The following TEX9 variants were observed in gnomAD, a reference collection of about 807,000 sequenced individuals.
TEX9 encodes testis-expressed protein 9.
In TEX9, 74 loss-of-function variants were observed where a neutral mutation model predicts 59.6. That is an observed-to-expected ratio of 1.24 (90% confidence interval 1.03 to 1.51). TEX9 has a LOEUF of 1.51. Ranked by LOEUF, TEX9 falls within the 40% of genes most tolerant of loss-of-function variation. TEX9 has a pLI of 0.00. For missense variants in TEX9, 522 were observed against 447.8 expected (o/e 1.17, Z -1.49); for synonymous variants, 186 against 152.2 (o/e 1.22, Z -1.64).
chr15:56,394,658 T>G lies in TEX9; in HGVS notation c.655-3T>G. 6.4e-7 allele frequency: 1 copy of G among 1,560,358 alleles called. No individual in the cohort carries two copies. Among genetic ancestry groups the G allele is most frequent in the South Asian group, 1.1e-5 (1 of 88,242 alleles). ...CACATAATCTATAACTTTATAACTA[T>G]AGGAGGATGAAATTCAGAATTTAAA... On this transcript the variant is annotated splice_region_variant and splice_polypyrimidine_tract_variant and intron_variant, in intron 8 of 12. Coordinates refer to ENST00000352903, the Ensembl canonical transcript of TEX9.
intron 1 of TEX9, among the ~76,000 whole-genome samples, chr15:56,261,606 A>G (rs2044268879): frequency 6.6e-6 from 1 of 151,992 alleles, no homozygotes; most frequent in Admixed American, 6.6e-5. Flanking sequence ...TAGTCCCGCT[A>G]TTCGGGAAGC....
chr15:56,308,214 T>A (rs62046686), intron 1 of TEX9, among the ~76,000 whole-genome samples: 2,186 of 152,344 alleles, frequency 0.014, 17 homozygotes, highest in Non-Finnish European at 0.021. Flanking sequence ...TTCCAATTTC[T>A]TCACATCCTT....
upstream of TEX9, among the ~76,000 whole-genome samples, chr15:56,365,128 G>A (rs575795117): frequency 3.3e-5 from 5 of 152,326 alleles, no homozygotes; most frequent in East Asian, 3.9e-4. Context: ...AAGCACAACA[G>A]GGAGGGATTG....
chr15:56,318,082 A>G (rs374847285), intron 1 of TEX9, among the ~76,000 whole-genome samples: 12 of 151,874 alleles, frequency 7.9e-5, no homozygotes, highest in Admixed American at 5.9e-4. Flanking sequence ...GGTTACTGAA[A>G]TCTCTCTTAT....
At chr15:56,270,973 T>A (rs1296220179) in intron 1 of TEX9, among the ~76,000 whole-genome samples, 4 of 152,206 alleles carry the variant, frequency 2.6e-5, no homozygotes, top group African/African-American at 9.6e-5. Flanking sequence ...CCCACTCTCT[T>A]CTGGCTTGTG....
At position 56,275,661 on chromosome 15, in the gene TEX9, C is replaced by G. The variant is rs555513006; in HGVS notation, c.-107+31383C>G. Among the ~76,000 whole-genome samples the G allele has an allele frequency of 2.0e-5, 3 of 152,132 alleles. No individual in the cohort carries two copies. The East Asian group carries it at 5.8e-4, about 29-fold the overall frequency. ...TATTATTGTTATATATTTTGTTTGT[C>G]TATATTTTTTTAACCCACACGACTT... On this transcript the variant is annotated intron_variant, in intron 1 of 5. Transcript: ENST00000560827.
At chr15:56,423,245 C>T (rs921215853) in intron 10 of TEX9, among the ~76,000 whole-genome samples, 2 of 152,136 alleles carry the variant, frequency 1.3e-5, no homozygotes, top group Non-Finnish European at 2.9e-5. Flanking sequence ...AGTGCTTATA[C>T]TCTGTCCTAT....
chr15:56,447,575 A>G (rs1176852248), downstream of TEX9: 1 of 152,110 alleles, frequency 6.6e-6, no homozygotes, highest in Middle Eastern at 3.2e-3. Context: ...ATTGTTGATA[A>G]TTTACAGAAA....
chr15:56,354,632 C>T (rs1370674736), intron 1 of TEX9, among the ~76,000 whole-genome samples: 1 of 152,126 alleles, frequency 6.6e-6, no homozygotes, highest in Non-Finnish European at 1.5e-5. Context: ...CCAAGATGTA[C>T]ATTTTTTTCA....
chr15:56,458,307 T>C, the TEX9 span, among the ~76,000 whole-genome samples: 1 of 152,132 alleles, frequency 6.6e-6, no homozygotes, highest in Non-Finnish European at 1.5e-5. Context: ...GACTTTGAAG[T>C]TTTGGGTTCA....
intron 1 of TEX9, among the ~76,000 whole-genome samples, chr15:56,258,827 T>C (rs1391732387): frequency 6.6e-6 from 1 of 151,462 alleles, no homozygotes; most frequent in African/African-American, 2.4e-5. Flanking sequence ...TGATTTGCCT[T>C]TTTCTTATTG....
chr15:56,337,715 CAA>C (rs1387636249), intron 1 of TEX9, among the ~76,000 whole-genome samples: 30 of 152,232 alleles, frequency 2.0e-4, no homozygotes, highest in Admixed American at 1.8e-3. Context: ...GAAAATAAAA[CAA>C]ATGGTAATTC....
At chr15:56,412,178 G>A in intron 9 of TEX9, 124 bp from the exon 10 acceptor site, 1 of 825,266 alleles carries the variant, frequency 1.2e-6, no homozygotes, top group South Asian at 2.0e-5. Flanking sequence ...CCAAGCGTGT[G>A]TGTGTGTGTG....
intron 1 of TEX9, among the ~76,000 whole-genome samples, chr15:56,321,479 C>A (rs1337266036): frequency 6.6e-6 from 1 of 152,140 alleles, no homozygotes; most frequent in African/African-American, 2.4e-5. Context: ...TTAAAAGGAT[C>A]TTTGGACTTT....
intron 1 of TEX9, among the ~76,000 whole-genome samples, chr15:56,262,137 A>C (rs1411533367): frequency 6.6e-6 from 1 of 152,232 alleles, no homozygotes; most frequent in Non-Finnish European, 1.5e-5. Context: ...GAGAACCAGG[A>C]AGCAAAAAAT....
intron 1 of TEX9, among the ~76,000 whole-genome samples, chr15:56,356,786 G>T (rs1381032814): frequency 6.6e-6 from 1 of 152,106 alleles, no homozygotes; most frequent in African/African-American, 2.4e-5. Context: ...TGTTTGACTA[G>T]AAGTTCCAGT....
chr15:56,415,665 T>A (rs975489519), intron 10 of TEX9, among the ~76,000 whole-genome samples: 2 of 151,920 alleles, frequency 1.3e-5, no homozygotes, highest in African/African-American at 2.4e-5. Context: ...TAGTTTGAAG[T>A]CACACAGTGT....
intron 1 of TEX9, among the ~76,000 whole-genome samples, chr15:56,322,178 G>A (rs531328710): frequency 3.3e-5 from 5 of 152,170 alleles, no homozygotes; most frequent in Admixed American, 1.3e-4. Flanking sequence ...TCAGGTCTGC[G>A]GATCAGCAAG....
At chr15:56,373,472 G>C in exon 3 of TEX9, 1 of 1,584,452 alleles carries the variant, frequency 6.3e-7, no homozygotes, top group Non-Finnish European at 8.5e-7. Flanking sequence ...GGCAAAAACA[G>C]CTGACGTGGT....
Sources: gnomAD v4.1 joint callset for allele counts (sites outside exome capture counted in the v4.1 genomes callset) on GRCh38, gnomAD v4.1.1 for gene constraint, MANE v1.5 for transcripts, NCBI Gene and HGNC (gene_info 2026-07-23, HGNC 2026-07-21) for gene names.